Variants in HECTD4 observed in about 807,000 individuals in gnomAD.
HECTD4 encodes HECT domain E3 ubiquitin protein ligase 4.
In HECTD4, 114 loss-of-function variants were observed where a neutral mutation model predicts 471.5. The observed-to-expected ratio is 0.24, with a 90% CI of 0.21 to 0.28. The LOEUF (loss-of-function observed/expected upper bound fraction) is 0.28. Among genes scored for constraint, HECTD4 ranks in the 10% least tolerant of loss-of-function variants. HECTD4 has a pLI of 1.00. For synonymous variants in HECTD4, 2,012 were observed against 2,256.0 expected, an observed-to-expected ratio of 0.89 and a Z score of 3.07; for missense variants, 3,866 against 5,651.5, an observed-to-expected ratio of 0.68 and a Z score of 10.13.
At position 112,172,750 on chromosome 12, in the gene HECTD4, G is replaced by C. The variant is rs2031279210; in HGVS notation, c.11706C>G (p.Ile3902Met). 1 of 1,614,034 alleles carries C rather than the reference G, an allele frequency of 6.2e-7. No homozygotes were observed. The highest frequency in any genetic ancestry group is 2.2e-5 in the East Asian group (1 of 44,880). ...YINQLCRHLA[I>M]TPARLHPHEV... ...CATGGGGATGGAGCCGTGCGGGTGT[G>C]ATGGCGAGGTGGCGGCATAGCTGGT... The change falls in exon 67 of 76, where the codon ATC becomes ATG. Residue 3902 changes from isoleucine to methionine, a missense_variant. Coordinates refer to ENST00000682272, the MANE Select transcript of HECTD4 (RefSeq NM_001388303.1).
At chr12:112,269,635 G>A (rs1253791239) in intron 13 of HECTD4, 69 bp downstream of exon 13, 2 of 1,532,414 alleles carry the variant, frequency 1.3e-6, no homozygotes, top group Non-Finnish European at 1.8e-6. Context: ...CCAGCTTTCA[G>A]GGAAGATTAC....
intron 54 of HECTD4, 132 bp downstream of exon 54, chr12:112,203,504 G>T: frequency 1.4e-6 from 1 of 716,950 alleles, no homozygotes; most frequent in Non-Finnish European, 2.2e-6. Flanking sequence ...GAGCATTTTT[G>T]CTTTGTGTCT....
At chr12:112,258,219 G>C (rs538511593) in intron 20 of HECTD4, among the ~76,000 whole-genome samples, 1 of 151,050 alleles carries the variant, frequency 6.6e-6, no homozygotes, top group African/African-American at 2.4e-5. Flanking sequence ...CAGCCAAACT[G>C]CCTGCCAAAG....
chr12:112,378,506 G>A (rs2036826374), intron 1 of HECTD4, among the ~76,000 whole-genome samples: 1 of 152,010 alleles, frequency 6.6e-6, no homozygotes, highest in Admixed American at 6.6e-5. Context: ...TTACAGGCAT[G>A]AGCCACTGCG....
At chr12:112,343,528 G>A (rs1566118564) in intron 1 of HECTD4, among the ~76,000 whole-genome samples, 1 of 152,178 alleles carries the variant, frequency 6.6e-6, no homozygotes, top group Non-Finnish European at 1.5e-5. Flanking sequence ...CCAGCACTTG[G>A]GGAGACCAGG....
At position 112,372,782 on chromosome 12, in the gene HECTD4, G is replaced by A. The variant is rs573013765; in HGVS notation, c.177+9170C>T. ...TTTTTGTTTGGTTTTTTTGAGACAG[G>A]GTCTGGCTCTGTCACCCAGGCTGGA... On this transcript the variant is annotated intron_variant, in intron 1 of 75. Transcript: ENST00000682272. Among the ~76,000 whole-genome samples the A allele has an allele frequency of 1.5e-4, 22 of 151,608 alleles. 1 individual carries two copies. Among genetic ancestry groups the A allele is most frequent in the Admixed American group, 4.0e-4 (6 of 15,178 alleles).
chr12:112,267,019 T>C (rs766426573), intron 13 of HECTD4, 37 bp from the exon 14 acceptor site: 7 of 1,143,110 alleles, frequency 6.1e-6, no homozygotes, highest in South Asian at 1.4e-5. Flanking sequence ...TTTAAGCAAA[T>C]GTTCTAGAAA....
At chr12:112,378,414 C>T (rs548453225) in intron 1 of HECTD4, among the ~76,000 whole-genome samples, 124 of 151,572 alleles carry the variant, frequency 8.2e-4, no homozygotes, top group African/African-American at 3.0e-3. Flanking sequence ...TTAGTAGAGA[C>T]GGGGTTTCAC....
intron 7 of HECTD4, among the ~76,000 whole-genome samples, chr12:112,298,646 G>A (rs908797153): frequency 1.3e-5 from 2 of 151,568 alleles, no homozygotes; most frequent in African/African-American, 2.4e-5. Flanking sequence ...ACTTTGGGAG[G>A]TCAAGCCCGG....
chr12:112,240,129 C>T (rs1302339368), intron 32 of HECTD4, 102 bp from the exon 33 acceptor site: 23 of 1,203,162 alleles, frequency 1.9e-5, no homozygotes, highest in Non-Finnish European at 2.6e-5. Flanking sequence ...TGGATGAATC[C>T]AGAACTGAAG....
chr12:112,339,490 G>C (rs2135724560), intron 1 of HECTD4, among the ~76,000 whole-genome samples: 1 of 152,120 alleles, frequency 6.6e-6, no homozygotes, highest in Middle Eastern at 3.4e-3. Context: ...TGGAAGAGAG[G>C]GAGTGTTGGT....
At chr12:112,316,116 C>A (rs999400269) in intron 2 of HECTD4, among the ~76,000 whole-genome samples, 2 of 152,092 alleles carry the variant, frequency 1.3e-5, no homozygotes, top group African/African-American at 4.8e-5. Context: ...CTGCCAACTT[C>A]ATCTCCTGCC....
In HECTD4 at chr12:112,338,644, A is replaced by AAAGG. The variant is rs1370301787; in HGVS notation, c.178-18903_178-18902insCCTT. ...CAAAAAAAGAAAGAAAGAAAGAAAGAAAAAAGACATACCTGAGACTCGGTA... is the reference window on the plus strand; with the variant it reads ...CAAAAAAAGAAAGAAAGAAAGAAAGAAAGGAAAAAGACATACCTGAGACTCGGTA... On this transcript the variant is annotated intron_variant, in intron 1 of 75. Transcript: ENST00000682272. 2.6e-5 allele frequency among the ~76,000 whole-genome samples: 4 copies of AAAGG among 152,172 alleles called. No individual in the cohort carries two copies. In the East Asian group the frequency reaches 7.7e-4, roughly 29 times the overall value.
At chr12:112,355,309 T>C (rs1341567827) in intron 1 of HECTD4, among the ~76,000 whole-genome samples, 19 of 75,436 alleles carry the variant, frequency 2.5e-4, no homozygotes, top group Non-Finnish European at 5.3e-4. Context: ...AAAAAAAAAA[T>C]TGTGGGCCAG....
In HECTD4 at chr12:112,169,649, C is replaced by T. The variant is rs756267864; in HGVS notation, c.12062G>A (p.Arg4021Lys). ...ACAGAAGTAGGAGTTTTCAGAAGCT[C>T]TGATTTCCCCTGGAAAGTGAGATGA... ...DPLEIVGGEI[R>K]ASENSYFCQA... The change falls in exon 70 of 76, where the codon AGA becomes AAA. Residue 4021 changes from arginine (R) to lysine (K), a missense_variant. Physicochemically the swap from Arg to Lys is conservative, Grantham distance 26. Coordinates refer to ENST00000682272, the MANE Select transcript of HECTD4 (RefSeq NM_001388303.1). 1.2e-6 allele frequency: 2 copies of T among 1,613,026 alleles called. No individual in the cohort carries two copies. Among genetic ancestry groups the T allele is most frequent in the Non-Finnish European group, 1.7e-6 (2 of 1,179,900 alleles).
In HECTD4 at chr12:112,252,304, A is replaced by T. The variant is rs114047032; in HGVS notation, c.3552+120T>A. The T allele has an allele frequency of 5.6e-4, 572 of 1,024,534 alleles. 7 individuals are homozygous for T. In the African/African-American group the frequency reaches 8.9e-3, roughly 16 times the overall value. 63.5% of individuals were successfully genotyped at this position (1,024,534 alleles called of 1,614,324 possible). On this transcript the variant is annotated intron_variant, in intron 23 of 75. Transcript: ENST00000682272. ...CTAGTAGTTGACTAGTGCCAACTAG[A>T]AGAGAAAGATGAAAGAGTGACTCAT...
intron 38 of HECTD4, among the ~76,000 whole-genome samples, chr12:112,231,930 T>C (rs1360165069): frequency 2.6e-5 from 4 of 152,154 alleles, no homozygotes; most frequent in African/African-American, 9.7e-5. Flanking sequence ...TCTGTGCAAA[T>C]TCTGGCATAC....
intron 1 of HECTD4, among the ~76,000 whole-genome samples, chr12:112,353,918 A>G (rs1392588084): frequency 6.6e-6 from 1 of 152,152 alleles, no homozygotes; most frequent in Non-Finnish European, 1.5e-5. Flanking sequence ...GATTAATAAT[A>G]GTGGTTTTTA....
intron 54 of HECTD4, among the ~76,000 whole-genome samples, chr12:112,201,656 T>G (rs1305102784): frequency 2.6e-5 from 4 of 152,148 alleles, no homozygotes; most frequent in Non-Finnish European, 5.9e-5. Context: ...AGTGTTTTAG[T>G]TTTTCCATAC....
Sources: allele counts gnomAD v4.1 joint callset (sites outside exome capture counted in the v4.1 genomes callset), GRCh38; gene constraint gnomAD v4.1.1; transcripts MANE v1.5; gene names NCBI Gene and HGNC (gene_info 2026-07-23, HGNC 2026-07-21).